The following MARK3 variants were observed in gnomAD, a reference collection of about 807,000 sequenced individuals.
MARK3 encodes MAP/microtubule affinity-regulating kinase 3.
In MARK3, 46 loss-of-function variants were observed where a neutral mutation model predicts 90.1. That is an observed-to-expected ratio of 0.51 (90% CI 0.40 to 0.65). The LOEUF (loss-of-function observed/expected upper bound fraction) is 0.65, where lower values mean the gene tolerates loss of function less well. Ranked by LOEUF, MARK3 falls within the 30% of genes least tolerant of loss-of-function variation. MARK3 has a pLI of 0.00. For synonymous variants in MARK3, 321 were observed against 332.6 expected, an observed-to-expected ratio of 0.97 and a Z score of 0.38; for missense variants, 818 against 947.2, an observed-to-expected ratio of 0.86 and a Z score of 1.79.
intron 17 of MARK3, among the ~76,000 whole-genome samples, chr14:103,502,096 T>A (rs1170401490): frequency 6.6e-6 from 1 of 152,002 alleles, no homozygotes; most frequent in African/African-American, 2.4e-5. Flanking sequence ...TGCCAAGGAG[T>A]GGCTGGTAAA....
chr14:103,440,185 T>G (rs1481484804), intron 3 of MARK3, among the ~76,000 whole-genome samples: 1 of 152,230 alleles, frequency 6.6e-6, no homozygotes, highest in Non-Finnish European at 1.5e-5. Flanking sequence ...TAGTATCCCA[T>G]TATGTGAATA....
At chr14:103,420,207 T>C (rs1405992318) in intron 2 of MARK3, among the ~76,000 whole-genome samples, 1 of 151,992 alleles carries the variant, frequency 6.6e-6, no homozygotes, top group Non-Finnish European at 1.5e-5. Context: ...ATATAAAAAA[T>C]CACGGAATTC....
chr14:103,462,370 C>G lies in MARK3; in HGVS notation c.484-35C>G. ...TTTTCATCTTAATTACGAATCTGCA[C>G]CAGTGATGACTGACTCTGCGTCTCT... On this transcript the variant is annotated intron_variant, in intron 6 of 17. Transcript: ENST00000429436. The G allele has an allele frequency of 6.7e-7, 1 of 1,495,716 alleles. No homozygotes were observed. Among genetic ancestry groups the G allele is most frequent in the East Asian group, 2.3e-5 (1 of 43,562 alleles). 92.7% of individuals were successfully genotyped at this position (1,495,716 alleles called of 1,614,324 possible). A position where few individuals can be genotyped will look rare whatever the true frequency, so the allele number is the denominator to read the frequency against.
intron 6 of MARK3, 150 bp from the exon 7 acceptor site, chr14:103,462,255 T>G (rs748349874): frequency 1.9e-6 from 1 of 534,058 alleles, no homozygotes. Context: ...GACTGGAAAG[T>G]TCAAGGCATA....
intron 15 of MARK3, among the ~76,000 whole-genome samples, chr14:103,493,984 A>G (rs2075172160): frequency 6.6e-6 from 1 of 151,798 alleles, no homozygotes; most frequent in Admixed American, 6.6e-5. Flanking sequence ...CTGTAATCTC[A>G]GCACTTTGGG....
In MARK3 at chr14:103,462,524, C is replaced by A; in HGVS notation, c.540+63C>A. 4.0e-6 allele frequency: 5 copies of A among 1,254,986 alleles called. No homozygotes were observed. The South Asian group carries it at 5.4e-5, about 14-fold the overall frequency. The allele number at this position is 1,254,986 out of a possible 1,614,324, so 77.7% of individuals were successfully genotyped here. A position where few individuals can be genotyped will look rare whatever the true frequency, so the allele number is the denominator to read the frequency against. On this transcript the variant is annotated intron_variant, in intron 7 of 17. Transcript: ENST00000429436. Reference sequence around the variant, plus strand: ...GTTTGTGTGCAGTTCTCTCAGTGGTCATTACACAAATGAGGTATAGATTAG... The same window carrying A: ...GTTTGTGTGCAGTTCTCTCAGTGGTAATTACACAAATGAGGTATAGATTAG...
At chr14:103,501,042 C>G (rs1417514337) in intron 17 of MARK3, among the ~76,000 whole-genome samples, 3 of 152,200 alleles carry the variant, frequency 2.0e-5, no homozygotes, top group Non-Finnish European at 4.4e-5. Context: ...TTTTTTATGC[C>G]AGTCACCAGC....
At chr14:103,412,221 G>T in intron 2 of MARK3, 1 of 884,078 alleles carries the variant, frequency 1.1e-6, no homozygotes, top group Non-Finnish European at 1.8e-6. Context: ...TTAACAGCCA[G>T]GTGAATGTTA....
At chr14:103,393,060 T>C (rs1480598628) in intron 1 of MARK3, among the ~76,000 whole-genome samples, 1 of 152,222 alleles carries the variant, frequency 6.6e-6, no homozygotes, top group Non-Finnish European at 1.5e-5. Context: ...CTTGGCTCAC[T>C]GCAACCTCCG....
chr14:103,503,554 C>T lies in MARK3; in HGVS notation c.*327C>T. 1 of 273,090 alleles carries T rather than the reference C, an allele frequency of 3.7e-6. No individual in the cohort carries two copies. 16.9% of individuals were successfully genotyped at this position (273,090 alleles called of 1,614,324 possible). A position where few individuals can be genotyped will look rare whatever the true frequency, so the allele number is the denominator to read the frequency against. ...TGGTGTATATGGAAGCATCTCCCTA[C>T]ACTGGCAGCCAGTCATTACTAGTAC... On this transcript the variant is annotated 3_prime_UTR_variant, in exon 18 of 18. Transcript: ENST00000429436.
At chr14:103,386,842 A>C (rs1194311996) in intron 1 of MARK3, among the ~76,000 whole-genome samples, 2 of 152,210 alleles carry the variant, frequency 1.3e-5, no homozygotes, top group African/African-American at 4.8e-5. Context: ...CTCACAGGCT[A>C]TGGTTTTATA....
At chr14:103,438,992 T>TA (rs60721454) in intron 3 of MARK3, among the ~76,000 whole-genome samples, 41,585 of 142,258 alleles carry the variant, frequency 0.29, 6,674 homozygotes, top group Non-Finnish European at 0.37. Context: ...CTTCTCTAAT[T>TA]AAAAAAAAAA....
chr14:103,433,006 C>T (rs1171857765), intron 3 of MARK3, among the ~76,000 whole-genome samples: 1 of 152,072 alleles, frequency 6.6e-6, no homozygotes, highest in Non-Finnish European at 1.5e-5. Flanking sequence ...GGTTACTTCA[C>T]ACTACATTTT....
At chr14:103,486,490 A>G (rs142824572) in intron 14 of MARK3, among the ~76,000 whole-genome samples, 6 of 152,292 alleles carry the variant, frequency 3.9e-5, no homozygotes, top group African/African-American at 1.4e-4. Context: ...TGAACCCACA[A>G]AAACTTTAAA....
At chr14:103,427,958 G>A (rs557977748) in intron 2 of MARK3, among the ~76,000 whole-genome samples, 12 of 152,244 alleles carry the variant, frequency 7.9e-5, no homozygotes, top group Non-Finnish European at 1.2e-4. Flanking sequence ...TCCTGGGAAT[G>A]CAGCCCAGTA....
At chr14:103,491,305 A>G (rs1422528534) in intron 14 of MARK3, 2 of 231,306 alleles carry the variant, frequency 8.6e-6, no homozygotes, top group East Asian at 1.3e-4. Flanking sequence ...GCGTACTACA[A>G]AATGTATAAG....
intron 3 of MARK3, among the ~76,000 whole-genome samples, chr14:103,448,093 C>T (rs972102336): frequency 6.6e-6 from 1 of 152,120 alleles, no homozygotes; most frequent in African/African-American, 2.4e-5. Context: ...AAGGTCTCAC[C>T]TGGGTTCACT....
At chr14:103,493,341 G>T (rs895043623) in intron 15 of MARK3, among the ~76,000 whole-genome samples, 2 of 136,356 alleles carry the variant, frequency 1.5e-5, no homozygotes, top group Non-Finnish European at 3.0e-5. Flanking sequence ...TTCAACCTCC[G>T]CCTAGATTAG....
intron 6 of MARK3, among the ~76,000 whole-genome samples, chr14:103,461,097 C>T (rs557114354): frequency 1.9e-4 from 29 of 152,212 alleles, no homozygotes; most frequent in African/African-American, 6.7e-4. Context: ...ATTTTATGTC[C>T]ACGGGTGGGT....
Sources: allele counts gnomAD v4.1 joint callset (sites outside exome capture counted in the v4.1 genomes callset), GRCh38; gene constraint gnomAD v4.1.1; transcripts MANE v1.5; gene names NCBI Gene and HGNC (gene_info 2026-07-23, HGNC 2026-07-21).